Variants in MAF observed in about 807,000 individuals in gnomAD.
The protein encoded by MAF is transcription factor Maf.
Under a neutral mutation model 22.0 loss-of-function variants are expected in MAF, and 10 were observed. That is an observed-to-expected ratio of 0.45 (90% CI 0.28 to 0.77). The LOEUF (loss-of-function observed/expected upper bound fraction) is 0.77, where lower values mean the gene tolerates loss of function less well. Ranked by LOEUF, MAF falls within the 30% of genes least tolerant of loss-of-function variation. The pLI, the probability that MAF is intolerant of heterozygous loss-of-function variation, is 0.12. For synonymous variants in MAF, 337 were observed against 255.8 expected (o/e 1.32, Z -3.03); for missense variants, 544 against 548.4 (o/e 0.99, Z 0.08).
At chr16:79,438,601 A>G in the MAF span, among the ~76,000 whole-genome samples, 1 of 152,144 alleles carries the variant, frequency 6.6e-6, no homozygotes, top group Non-Finnish European at 1.5e-5. Context: ...TGTTTCCTCC[A>G]TTTCACAGAG....
At chr16:79,411,802 C>G in the MAF span, among the ~76,000 whole-genome samples, 6 of 152,250 alleles carry the variant, frequency 3.9e-5, no homozygotes, top group African/African-American at 7.2e-5. Flanking sequence ...AGCTATTCCT[C>G]TTCCAGATCT....
the MAF span, among the ~76,000 whole-genome samples, chr16:79,214,787 A>T: frequency 8.3e-6 from 1 of 119,912 alleles, no homozygotes; most frequent in African/African-American, 3.3e-5. Flanking sequence ...ATTTTGGCTC[A>T]CTGCAACCTC....
chr16:79,211,191 TCAGA>T, the MAF span, among the ~76,000 whole-genome samples: 7 of 152,134 alleles, frequency 4.6e-5, no homozygotes, highest in African/African-American at 1.7e-4. Flanking sequence ...GGTTGGTTTG[TCAGA>T]CAGAAGGTTC....
At chr16:79,312,930 T>TTA in the MAF span, among the ~76,000 whole-genome samples, 1 of 152,198 alleles carries the variant, frequency 6.6e-6, no homozygotes, top group Non-Finnish European at 1.5e-5. Flanking sequence ...AATATAAGAC[T>TTA]TACGGCATCA....
chr16:79,403,997 T>C, the MAF span, among the ~76,000 whole-genome samples: 1 of 152,118 alleles, frequency 6.6e-6, no homozygotes, highest in Admixed American at 6.6e-5. Context: ...CCTCCGTCCA[T>C]GCAGTGTGGA....
the MAF span, among the ~76,000 whole-genome samples, chr16:79,412,990 C>G: frequency 3.3e-5 from 5 of 152,112 alleles, no homozygotes; most frequent in African/African-American, 1.2e-4. Context: ...TTACAGCTTC[C>G]TGTAAAAACA....
the MAF span, among the ~76,000 whole-genome samples, chr16:79,579,643 C>G: frequency 6.6e-6 from 1 of 152,254 alleles, no homozygotes; most frequent in African/African-American, 2.4e-5. Context: ...AATTAAATTT[C>G]AAAGAAATAG....
At position 79,599,465 on chromosome 16, in the gene MAF, G is replaced by C. The variant is rs2143811885; in HGVS notation, c.438C>G (p.Ala146=). The part of the protein sequence containing the change: ...QQLAAAAGAG[A]GASLGGSGEE... ...CGCCGCTGCCGCCCAAGGAGGCGCC[G>C]GCACCGGCCCCGGCCGCCGCGGCCA... is the stretch of plus-strand genomic sequence containing the variant. Residue 146 remains alanine, a synonymous_variant, in exon 1 of 2, where the codon GCC becomes GCG. Transcript: ENST00000326043. 7.4e-7 allele frequency: 1 copy of C among 1,347,570 alleles called. No individual in the cohort carries two copies. Among genetic ancestry groups the C allele is most frequent in the Middle Eastern group, 2.8e-4 (1 of 3,614 alleles). 83.5% of individuals were successfully genotyped at this position (1,347,570 alleles called of 1,614,324 possible). A position where few individuals can be genotyped will look rare whatever the true frequency, so the allele number is the denominator to read the frequency against.
At chr16:79,537,630 A>T in the MAF span, among the ~76,000 whole-genome samples, 1 of 152,184 alleles carries the variant, frequency 6.6e-6, no homozygotes, top group African/African-American at 2.4e-5. Context: ...AATTAGGAAC[A>T]GGTTGCTGAT....
Position 79,599,297 on chromosome 16 carries a change from G to A in MAF, c.606C>T (p.Ala202=), listed in dbSNP as rs1172216605. Residue 202 remains alanine, a synonymous_variant, in exon 1 of 2, where the codon GCC becomes GCT. Coordinates refer to ENST00000326043, the MANE Select transcript of MAF (RefSeq NM_005360.5). ...CGGCCGAGGCGGCCGCGCTGCCCGC[G>A]GCGCCGGGCGCGCCGGCCGTCGGGT... is the stretch of plus-strand genomic sequence containing the variant. ...HHHPTAGAPG[A]AGSAAASAGG... The A allele has an allele frequency of 2.0e-6, 2 of 980,318 alleles. No homozygotes were observed. The highest frequency in any genetic ancestry group is 2.4e-6 in the Non-Finnish European group (2 of 828,340). The allele number at this position is 980,318 out of a possible 1,614,324, so 60.7% of individuals were successfully genotyped here.
chr16:79,492,795 T>C, the MAF span, among the ~76,000 whole-genome samples: 1 of 152,196 alleles, frequency 6.6e-6, no homozygotes, highest in African/African-American at 2.4e-5. Context: ...TTAAGTCCAT[T>C]TACATAAAAT....
At chr16:79,285,255 A>C in the MAF span, among the ~76,000 whole-genome samples, 478 of 152,112 alleles carry the variant, frequency 3.1e-3, 6 homozygotes, top group African/African-American at 0.011. Flanking sequence ...TTAAAAAAAT[A>C]TTTTTAATAT....
the MAF span, among the ~76,000 whole-genome samples, chr16:79,226,881 C>T: frequency 3.3e-5 from 5 of 152,066 alleles, no homozygotes; most frequent in Non-Finnish European, 5.9e-5. Context: ...TGTGAGCTGA[C>T]TCAGGTCCAG....
the MAF span, among the ~76,000 whole-genome samples, chr16:79,235,213 G>C: frequency 6.6e-6 from 1 of 152,018 alleles, no homozygotes; most frequent in African/African-American, 2.4e-5. Flanking sequence ...AAAGCAGCTG[G>C]CAGTCAATTT....
At chr16:79,500,368 G>T in the MAF span, among the ~76,000 whole-genome samples, 1 of 152,176 alleles carries the variant, frequency 6.6e-6, no homozygotes, top group Non-Finnish European at 1.5e-5. Flanking sequence ...GCTCTTTGGG[G>T]TTAGGCAAAC....
the MAF span, among the ~76,000 whole-genome samples, chr16:79,328,052 C>T: frequency 6.6e-6 from 1 of 152,292 alleles, no homozygotes; most frequent in South Asian, 2.1e-4. Context: ...GAATTCCCAA[C>T]CCTGTGAGTT....
the MAF span, among the ~76,000 whole-genome samples, chr16:79,556,968 A>G: frequency 6.9e-6 from 1 of 144,586 alleles, no homozygotes; most frequent in Non-Finnish European, 1.5e-5. Flanking sequence ...TATACATACA[A>G]CATACAACAA....
chr16:79,247,446 C>A, the MAF span, among the ~76,000 whole-genome samples: 2 of 152,174 alleles, frequency 1.3e-5, no homozygotes, highest in Admixed American at 1.3e-4. Flanking sequence ...AAACTTGCTT[C>A]CCCCTCACCA....
At chr16:79,593,514 A>C (rs1913307098), downstream of MAF, among the ~76,000 whole-genome samples, 1 of 152,196 alleles carries the variant, frequency 6.6e-6, no homozygotes, top group Non-Finnish European at 1.5e-5. Context: ...ACAAGGGAGA[A>C]AAGATCAGAG....
Sources: allele counts gnomAD v4.1 joint callset (sites outside exome capture counted in the v4.1 genomes callset), GRCh38; gene constraint gnomAD v4.1.1; transcripts MANE v1.5; gene names NCBI Gene and HGNC (gene_info 2026-07-23, HGNC 2026-07-21).